The following XPA variants were observed in gnomAD, a reference collection of about 807,000 sequenced individuals.
XPA encodes the protein DNA repair protein complementing XP-A cells.
Under a neutral mutation model 35.7 loss-of-function variants are expected in XPA, and 27 were observed. That is an observed-to-expected ratio of 0.76 (90% confidence interval 0.56 to 1.04). XPA has a LOEUF of 1.04. XPA is among the 50% of genes least tolerant of loss of function. XPA has a pLI of 0.00. For missense variants in XPA, 354 were observed against 342.7 expected, an observed-to-expected ratio of 1.03 and a Z score of -0.26; for synonymous variants, 133 against 118.4, an observed-to-expected ratio of 1.12 and a Z score of -0.80.
Position 97,689,661 on chromosome 9 carries a change from CTA to C in XPA, c.284-24_284-23del, listed in dbSNP as rs770977815. The C allele has an allele frequency of 2.1e-4, 305 of 1,445,600 alleles. 1 individual carries two copies. The highest frequency in any genetic ancestry group is 1.8e-4 in the Middle Eastern group (1 of 5,598). 89.5% of individuals were successfully genotyped at this position (1,445,600 alleles called of 1,614,324 possible). ...GGTCCTAAGAAAAGGAAAATGAACT[CTA>C]GTTTCCTTTTTTATGACTAGAACAA... On this transcript the variant is annotated intron_variant, in intron 2 of 5. Coordinates refer to ENST00000375128, the MANE Select transcript of XPA (RefSeq NM_000380.4).
the XPA span, among the ~76,000 whole-genome samples, chr9:97,663,254 C>T: frequency 2.0e-5 from 3 of 152,074 alleles, no homozygotes; most frequent in Non-Finnish European, 4.4e-5. Flanking sequence ...TGGTTTTGAA[C>T]TATAATATCT....
At chr9:97,685,093 T>C in intron 4 of XPA, 53 bp from the exon 5 acceptor site, 1 of 1,470,582 alleles carries the variant, frequency 6.8e-7, no homozygotes, top group Non-Finnish European at 9.5e-7. Flanking sequence ...TTGCGAAATA[T>C]TATAGTTATA....
chr9:97,696,501 A>C (rs1829047528), intron 1 of XPA, among the ~76,000 whole-genome samples: 2 of 152,178 alleles, frequency 1.3e-5, no homozygotes, highest in African/African-American at 4.8e-5. Context: ...TATGGATTAG[A>C]ATCTTAAAGG....
chr9:97,697,022 T>G, intron 1 of XPA, 99 bp downstream of exon 1: 1 of 1,416,672 alleles, frequency 7.1e-7, no homozygotes, highest in Non-Finnish European at 9.3e-7. Context: ...CCAGCGGAGT[T>G]GACGCGACCC....
At chr9:97,659,125 A>G in the XPA span, among the ~76,000 whole-genome samples, 1 of 152,258 alleles carries the variant, frequency 6.6e-6, no homozygotes, top group Non-Finnish European at 1.5e-5. Context: ...GTATGCCTTT[A>G]AAAGTAAATT....
chr9:97,658,551 T>G, the XPA span: 3 of 980,770 alleles, frequency 3.1e-6, no homozygotes, highest in Non-Finnish European at 3.2e-6. Flanking sequence ...TTCAAGTTGT[T>G]GGAGATCATG....
At chr9:97,663,401 G>A in the XPA span, among the ~76,000 whole-genome samples, 1 of 152,164 alleles carries the variant, frequency 6.6e-6, no homozygotes, top group African/African-American at 2.4e-5. Flanking sequence ...AACAGTGAGT[G>A]TGTAATGATA....
At chr9:97,692,949 T>G (rs1297620873) in intron 2 of XPA, among the ~76,000 whole-genome samples, 1 of 152,058 alleles carries the variant, frequency 6.6e-6, no homozygotes, top group East Asian at 1.9e-4. Context: ...TCTCAGCTTC[T>G]GCAAACAACA....
the XPA span, among the ~76,000 whole-genome samples, chr9:97,667,934 T>G: frequency 6.6e-6 from 1 of 152,210 alleles, no homozygotes; most frequent in Admixed American, 6.5e-5. Flanking sequence ...GAAAGGACAG[T>G]CGTGTACCCA....
At chr9:97,682,062 TTATC>T (rs5899322) in intron 5 of XPA, 207,836 of 242,556 alleles carry the variant, frequency 0.86, 90,865 homozygotes, top group Middle Eastern at 0.96. Context: ...CACCTTATTT[TTATC>T]TATCTATCTA....
At chr9:97,685,177 A>G (rs899719012) in intron 4 of XPA, 137 bp from the exon 5 acceptor site, 7 of 654,628 alleles carry the variant, frequency 1.1e-5, no homozygotes, top group Admixed American at 6.2e-5. Flanking sequence ...AGAAATTTAA[A>G]GATTTTAAAT....
chr9:97,675,585 A>G lies in XPA; in HGVS notation c.676T>C (p.Leu226=), dbSNP rs2131379265. 1 of 1,613,930 alleles carries G rather than the reference A, an allele frequency of 6.2e-7. No homozygotes were observed. Among genetic ancestry groups the G allele is most frequent in the Non-Finnish European group, 8.5e-7 (1 of 1,179,910 alleles). The change falls in exon 6 of 6, where the codon TTG becomes CTG. Residue 226 remains leucine, a splice_region_variant and synonymous_variant. Coordinates refer to ENST00000375128, the MANE Select transcript of XPA (RefSeq NM_000380.4). The part of the protein sequence containing the change: ...QKKFDKKVKE[L]RRAVRSSVWK... ...ACGCTGCTTCTTACTGCTCGCCGCAATTCTGAAAAAAAAATTTTAAAGTCA... is the reference window on the plus strand; with the variant it reads ...ACGCTGCTTCTTACTGCTCGCCGCAGTTCTGAAAAAAAAATTTTAAAGTCA...
At chr9:97,663,700 G>C in the XPA span, among the ~76,000 whole-genome samples, 2,093 of 151,786 alleles carry the variant, frequency 0.014, 98 homozygotes, top group East Asian at 0.13. Flanking sequence ...GGCCAGGCTG[G>C]TCTGGAACTC....
downstream of XPA, chr9:97,672,002 A>G (rs964780808): frequency 2.6e-5 from 4 of 152,214 alleles, no homozygotes; most frequent in African/African-American, 9.6e-5. Flanking sequence ...GAGTTACAGA[A>G]TACTAAAGTG....
the XPA span, among the ~76,000 whole-genome samples, chr9:97,657,140 G>C: frequency 6.6e-6 from 1 of 152,034 alleles, no homozygotes; most frequent in East Asian, 1.9e-4. Context: ...CTAATTTTTT[G>C]TAGTTTTAGT....
At chr9:97,663,119 T>C in the XPA span, 3 of 1,160,610 alleles carry the variant, frequency 2.6e-6, no homozygotes, top group South Asian at 4.1e-5. Flanking sequence ...TTAATTGCCA[T>C]TGTTTTGTTT....
the XPA span, chr9:97,656,222 G>A: frequency 1.3e-6 from 1 of 746,900 alleles, no homozygotes; most frequent in East Asian, 2.7e-5. Context: ...TCAAGACTTA[G>A]GCTAAGAAAA....
chr9:97,656,352 C>T, the XPA span, among the ~76,000 whole-genome samples: 3 of 152,164 alleles, frequency 2.0e-5, no homozygotes, highest in Non-Finnish European at 4.4e-5. Context: ...GAGGCCAAAG[C>T]GGGTGGATCA....
At chr9:97,678,318 A>G (rs1587738557) in intron 5 of XPA, among the ~76,000 whole-genome samples, 1 of 152,072 alleles carries the variant, frequency 6.6e-6, no homozygotes. Context: ...GGAGAATCGC[A>G]TGAACCCGGG....
Sources: allele counts gnomAD v4.1 joint callset (sites outside exome capture counted in the v4.1 genomes callset), GRCh38; gene constraint gnomAD v4.1.1; transcripts MANE v1.5; gene names NCBI Gene and HGNC (gene_info 2026-07-23, HGNC 2026-07-21).